The following IDI2 variants were observed in gnomAD, a reference collection of about 807,000 sequenced individuals.
IDI2 encodes the protein isopentenyl-diphosphate delta isomerase 2, also known as isopentenyl-diphosphate delta-isomerase 2.
IDI2 carries 18 observed loss-of-function variants against 14.8 expected under a neutral mutation model. The ratio of observed to expected loss-of-function variants is 1.22; its 90% CI spans 0.84 to 1.80. The LOEUF (loss-of-function observed/expected upper bound fraction) is 1.80, where lower values mean the gene tolerates loss of function less well. Ranked by LOEUF, IDI2 falls within the 40% of genes most tolerant of loss-of-function variation. The pLI, the probability that IDI2 is intolerant of heterozygous loss-of-function variation, is 0.00. For synonymous variants in IDI2, 133 were observed against 109.6 expected, an observed-to-expected ratio of 1.21 and a Z score of -1.33; for missense variants, 316 against 283.2, an observed-to-expected ratio of 1.12 and a Z score of -0.83.
At chr10:1,024,247 G>A (rs533129789) in intron 2 of IDI2, among the ~76,000 whole-genome samples, 28 of 152,352 alleles carry the variant, frequency 1.8e-4, no homozygotes, top group African/African-American at 6.3e-4. Flanking sequence ...GTGATCAGAC[G>A]TCACCTGGGA....
At chr10:1,023,138 A>G (rs891186026) in intron 2 of IDI2, among the ~76,000 whole-genome samples, 2 of 152,192 alleles carry the variant, frequency 1.3e-5, no homozygotes, top group Non-Finnish European at 1.5e-5. Context: ...GGTTGAAAAC[A>G]TGAGGGTTAG....
At chr10:1,023,909 G>T (rs531389128) in intron 2 of IDI2, among the ~76,000 whole-genome samples, 9 of 152,206 alleles carry the variant, frequency 5.9e-5, no homozygotes, top group East Asian at 3.9e-4. Flanking sequence ...TGACATGGTG[G>T]TATCAAACTA....
Position 1,019,438 on chromosome 10 carries a change from A to T in IDI2, c.*79T>A. 1 of 1,157,714 alleles carries T rather than the reference A, an allele frequency of 8.6e-7. No homozygotes were observed. Among genetic ancestry groups the T allele is most frequent in the Non-Finnish European group, 1.2e-6 (1 of 829,416 alleles). 71.7% of individuals were successfully genotyped at this position (1,157,714 alleles called of 1,614,324 possible). ...GTGCCCCTTTTGCCCTGTTTTTTGG[A>T]GAGGGTGTATCATTGCCTCAATGGT... On this transcript the variant is annotated 3_prime_UTR_variant, in exon 5 of 5. Transcript: ENST00000277517.
rs527537227 is a variant in IDI2 at position 1,019,550 on chromosome 10, C to T, written c.651G>A (p.Pro217=). The T allele has an allele frequency of 3.7e-5, 59 of 1,613,614 alleles. No homozygotes were observed. Among genetic ancestry groups the T allele is most frequent in the Middle Eastern group, 1.7e-4 (1 of 6,060 alleles). The change falls in exon 5 of 5, where the codon CCG becomes CCA. Residue 217 remains proline (P), a synonymous_variant. Transcript: ENST00000277517. The part of the protein sequence containing the change: ...RWWPHLDDVT[P]FVELHKIHRV ...TGTGTATTTTGTGAAGCTCCACAAACGGGGTCACGTCATCCAGGTGAGGCC... is the reference window on the plus strand; with the variant it reads ...TGTGTATTTTGTGAAGCTCCACAAATGGGGTCACGTCATCCAGGTGAGGCC...
intron 2 of IDI2, among the ~76,000 whole-genome samples, chr10:1,023,113 C>T (rs1272257065): frequency 6.6e-6 from 1 of 152,128 alleles, no homozygotes; most frequent in Non-Finnish European, 1.5e-5. Flanking sequence ...AACCTGTGTC[C>T]GTGGAGGTTT....
rs533132985 is a variant in IDI2, at chr10:1,020,880, A to G, written c.253T>C (p.Cys85Arg). 1.2e-6 allele frequency: 2 copies of G among 1,613,304 alleles called. No homozygotes were observed. The highest frequency in any genetic ancestry group is 2.2e-5 in the East Asian group (1 of 44,868). Residue 85 changes from cysteine to arginine, a missense_variant, in exon 4 of 5, where the codon TGT (cysteine) becomes CGT (arginine). Physicochemically the swap from Cys to Arg is radical, Grantham distance 180 (BLOSUM62 -3). Coordinates refer to ENST00000277517, the MANE Select transcript of IDI2 (RefSeq NM_033261.3). ...GGGTTGTATAATGGGTGGCTACTAC[A>G]GGAGTCGGTAAAATACCCTGGAAAA... ...VTFPGYFTDS[C>R]SSHPLYNPAE...
intron 2 of IDI2, among the ~76,000 whole-genome samples, chr10:1,024,301 C>G (rs1208302960): frequency 6.6e-6 from 1 of 152,192 alleles, no homozygotes; most frequent in African/African-American, 2.4e-5. Flanking sequence ...GGTCAGGGTT[C>G]TCGCTAAAAC....
chr10:1,025,496 G>A (rs978004103), intron 1 of IDI2, among the ~76,000 whole-genome samples: 37 of 150,056 alleles, frequency 2.5e-4, no homozygotes, highest in African/African-American at 8.6e-4. Context: ...AGCCGAGATC[G>A]TGCCATTGCT....
rs763428595 is a variant in IDI2 at position 1,020,911 on chromosome 10, A to G, written c.236-14T>C. On this transcript the variant is annotated splice_polypyrimidine_tract_variant and intron_variant, in intron 3 of 4. Coordinates refer to ENST00000277517, the MANE Select transcript of IDI2 (RefSeq NM_033261.3). ...CGGTAAAATACCCTGGAAAAAATGC[A>G]TGTGGGAACATCCCTCTTTATTCCT... 1.9e-6 allele frequency: 3 copies of G among 1,606,392 alleles called. No individual in the cohort carries two copies. The highest frequency in any genetic ancestry group is 2.2e-5 in the East Asian group (1 of 44,824).
At chr10:1,020,481 G>A (rs1564474188) in intron 4 of IDI2, among the ~76,000 whole-genome samples, 2 of 152,254 alleles carry the variant, frequency 1.3e-5, no homozygotes, top group South Asian at 4.1e-4. Context: ...GAGCCACCAC[G>A]CCCGGCTTGA....
At chr10:1,021,981 C>T (rs561174295) in intron 3 of IDI2, among the ~76,000 whole-genome samples, 1 of 152,162 alleles carries the variant, frequency 6.6e-6, no homozygotes, top group African/African-American at 2.4e-5. Flanking sequence ...ATTTTTTGGC[C>T]GGGCCCGGTG....
chr10:1,020,227 CTTTT>C (rs67920739), intron 4 of IDI2, among the ~76,000 whole-genome samples: 1 of 144,376 alleles, frequency 6.9e-6, no homozygotes, highest in Non-Finnish European at 1.5e-5. Flanking sequence ...GAATTTCTTT[CTTTT>C]TTTTTTTTTT....
intron 4 of IDI2, among the ~76,000 whole-genome samples, chr10:1,020,224 T>C (rs1461965919): frequency 2.1e-5 from 3 of 145,478 alleles, no homozygotes; most frequent in African/African-American, 7.5e-5. Flanking sequence ...CTTGAATTTC[T>C]TTCTTTTTTT....
chr10:1,022,601 CAG>C (rs761184196), intron 3 of IDI2, 80 bp downstream of exon 3: 9 of 1,082,152 alleles, frequency 8.3e-6, no homozygotes, highest in Non-Finnish European at 1.1e-5. Context: ...CACTGAGCAC[CAG>C]AGAGTTCCTG....
chr10:1,020,998 G>T (rs1832086634), intron 3 of IDI2, 101 bp from the exon 4 acceptor site: 2 of 1,299,010 alleles, frequency 1.5e-6, no homozygotes, highest in Non-Finnish European at 2.1e-6. Flanking sequence ...TCCGTCATCA[G>T]CAGAAGACAG....
At chr10:1,021,387 C>T (rs1265635320) in intron 3 of IDI2, among the ~76,000 whole-genome samples, 1 of 152,234 alleles carries the variant, frequency 6.6e-6, no homozygotes, top group African/African-American at 2.4e-5. Context: ...GACCAAGTTT[C>T]CTTACTGAGA....
Position 1,020,783 on chromosome 10 carries a change from C to A in IDI2, c.350G>T (p.Gly117Val). 2 of 1,612,620 alleles carry A rather than the reference C, an allele frequency of 1.2e-6. No individual in the cohort carries two copies. The highest frequency in any genetic ancestry group is 1.7e-6 in the Non-Finnish European group (2 of 1,179,564). Residue 117 changes from glycine (G) to valine (V), a missense_variant, in exon 4 of 5, where the codon GGA (glycine) becomes GTA (valine). Physicochemically the swap from Gly to Val is moderately radical, Grantham distance 109. Transcript: ENST00000277517. ...AAQRRLQAEL[G>V]IPGEQISPED... ...TGTGTGTACCTGCTCCCCAGGAATT[C>A]CCAGCTCTGCTTGCAGACGCCTCTG... is the stretch of plus-strand genomic sequence containing the variant.
Position 1,019,415 on chromosome 10 carries a change from G to T in IDI2, c.*102C>A. 1 of 787,592 alleles carries T rather than the reference G, an allele frequency of 1.3e-6. No homozygotes were observed. Among genetic ancestry groups the T allele is most frequent in the Non-Finnish European group, 2.0e-6 (1 of 500,010 alleles). 48.8% of individuals were successfully genotyped at this position (787,592 alleles called of 1,614,324 possible). A position where few individuals can be genotyped will look rare whatever the true frequency, so the allele number is the denominator to read the frequency against. Reference sequence around the variant, plus strand: ...ATTTATACATGATGGGCAATCAAGTGCCCCTTTTGCCCTGTTTTTTGGAGA... The same window carrying T: ...ATTTATACATGATGGGCAATCAAGTTCCCCTTTTGCCCTGTTTTTTGGAGA... On this transcript the variant is annotated 3_prime_UTR_variant, in exon 5 of 5. Transcript: ENST00000277517.
chr10:1,022,144 A>G (rs1048783001), intron 3 of IDI2, among the ~76,000 whole-genome samples: 2 of 152,100 alleles, frequency 1.3e-5, no homozygotes, highest in African/African-American at 4.8e-5. Context: ...CTGTAGTCCC[A>G]GCTACTTGGG....
Sources: allele counts gnomAD v4.1 joint callset (sites outside exome capture counted in the v4.1 genomes callset), GRCh38; gene constraint gnomAD v4.1.1; transcripts MANE v1.5; gene names NCBI Gene and HGNC (gene_info 2026-07-23, HGNC 2026-07-21).